The following TAS2R1 variants were observed in gnomAD, a reference collection of about 807,000 sequenced individuals.
TAS2R1 encodes taste 2 receptor member 1.
For missense variants in TAS2R1, 370 were observed against 353.4 expected (o/e 1.05, Z -0.38); for synonymous variants, 141 against 134.2 (o/e 1.05, Z -0.35).
chr5:9,870,629 T>A, the TAS2R1 span, among the ~76,000 whole-genome samples: 6,418 of 152,206 alleles, frequency 0.042, 349 homozygotes, highest in East Asian at 0.22. Context: ...GGCAAATAAA[T>A]AATGGCAAAC....
At chr5:9,808,367 C>T in the TAS2R1 span, among the ~76,000 whole-genome samples, 4 of 151,750 alleles carry the variant, frequency 2.6e-5, no homozygotes, top group Non-Finnish European at 5.9e-5. Context: ...GATTTCTGAG[C>T]AAAGTGTTGA....
chr5:9,685,614 T>C (rs935375221), intron 1 of TAS2R1, among the ~76,000 whole-genome samples: 1 of 152,100 alleles, frequency 6.6e-6, no homozygotes. Flanking sequence ...GAGGAGGTTG[T>C]TAAGGATTCA....
intron 1 of TAS2R1, among the ~76,000 whole-genome samples, chr5:9,692,685 A>G (rs1189649662): frequency 6.6e-6 from 1 of 152,138 alleles, no homozygotes; most frequent in Admixed American, 6.5e-5. Context: ...TAATGAGAAG[A>G]CCTTCTCCCA....
chr5:9,671,979 T>C (rs757916024), intron 1 of TAS2R1, among the ~76,000 whole-genome samples: 5 of 151,952 alleles, frequency 3.3e-5, no homozygotes, highest in Non-Finnish European at 5.9e-5. Flanking sequence ...AGCCCAGAAA[T>C]AATACCTCAC....
At chr5:9,843,811 A>T in the TAS2R1 span, among the ~76,000 whole-genome samples, 2 of 152,222 alleles carry the variant, frequency 1.3e-5, no homozygotes, top group Non-Finnish European at 2.9e-5. Context: ...TCTTCAACAT[A>T]GTTGCAAGCT....
the TAS2R1 span, among the ~76,000 whole-genome samples, chr5:9,844,532 C>T: frequency 1.4e-4 from 22 of 152,250 alleles, no homozygotes; most frequent in South Asian, 1.2e-3. Flanking sequence ...ACAGGATAAA[C>T]CTCATTATAT....
chr5:9,685,350 G>A (rs543774637), intron 1 of TAS2R1, among the ~76,000 whole-genome samples: 8 of 151,818 alleles, frequency 5.3e-5, no homozygotes, highest in Admixed American at 1.3e-4. Flanking sequence ...ATACCCCATC[G>A]AGACTAAAAC....
intron 2 of TAS2R1, among the ~76,000 whole-genome samples, chr5:9,640,131 G>A (rs760411978): frequency 6.6e-6 from 1 of 152,180 alleles, no homozygotes; most frequent in Admixed American, 6.5e-5. Flanking sequence ...AACACTCAAA[G>A]GCCATTTTAG....
intron 1 of TAS2R1, among the ~76,000 whole-genome samples, chr5:9,675,397 CATTAATT>C (rs1165194061): frequency 6.6e-6 from 1 of 150,412 alleles, no homozygotes; most frequent in African/African-American, 2.4e-5. Context: ...TTACTGAATC[CATTAATT>C]ATTTTTTTCT....
At chr5:9,755,931 A>C in the TAS2R1 span, among the ~76,000 whole-genome samples, 1 of 152,156 alleles carries the variant, frequency 6.6e-6, no homozygotes, top group South Asian at 2.1e-4. Context: ...CTTTACTGCA[A>C]GTTGCTTTAT....
At chr5:9,806,992 T>A in the TAS2R1 span, among the ~76,000 whole-genome samples, 1 of 151,924 alleles carries the variant, frequency 6.6e-6, no homozygotes, top group Non-Finnish European at 1.5e-5. Flanking sequence ...GTCTTCATAA[T>A]CTATACATCT....
the TAS2R1 span, among the ~76,000 whole-genome samples, chr5:9,723,520 C>T: frequency 6.6e-6 from 1 of 152,220 alleles, no homozygotes; most frequent in Non-Finnish European, 1.5e-5. Context: ...TGGACAATAT[C>T]TGACAAACAC....
the TAS2R1 span, among the ~76,000 whole-genome samples, chr5:9,852,258 A>C: frequency 6.6e-6 from 1 of 152,338 alleles, no homozygotes; most frequent in African/African-American, 2.4e-5. Flanking sequence ...AAAGCTTCAA[A>C]ATTATTGAGG....
the TAS2R1 span, among the ~76,000 whole-genome samples, chr5:9,855,344 G>C: frequency 6.6e-6 from 1 of 152,148 alleles, no homozygotes; most frequent in South Asian, 2.1e-4. Context: ...TTAGATGGAA[G>C]GTGCAAATTC....
intron 2 of TAS2R1, among the ~76,000 whole-genome samples, chr5:9,649,411 C>T (rs1740259849): frequency 6.6e-6 from 1 of 152,160 alleles, no homozygotes; most frequent in East Asian, 1.9e-4. Context: ...AATATTTGTG[C>T]AGAAGTTTGC....
At chr5:9,809,158 C>T in the TAS2R1 span, among the ~76,000 whole-genome samples, 4 of 152,116 alleles carry the variant, frequency 2.6e-5, no homozygotes, top group Non-Finnish European at 5.9e-5. Context: ...TGTCTCATGA[C>T]GAAGCATACC....
At chr5:9,678,932 TA>T (rs1454382027) in intron 1 of TAS2R1, among the ~76,000 whole-genome samples, 9 of 152,144 alleles carry the variant, frequency 5.9e-5, no homozygotes, top group African/African-American at 2.2e-4. Flanking sequence ...CCCTGGAACT[TA>T]AAATAAAAGT....
chr5:9,773,273 GCAAA>G, the TAS2R1 span, among the ~76,000 whole-genome samples: 8 of 152,028 alleles, frequency 5.3e-5, no homozygotes, highest in East Asian at 1.5e-3. Flanking sequence ...AAACAAACAA[GCAAA>G]CAATCAAAAA....
At chr5:9,771,410 T>C in the TAS2R1 span, among the ~76,000 whole-genome samples, 23 of 152,318 alleles carry the variant, frequency 1.5e-4, no homozygotes, top group South Asian at 4.8e-3. Context: ...GTTGTTGAAT[T>C]TGATTTGCTA....
Sources: allele counts gnomAD v4.1 joint callset (sites outside exome capture counted in the v4.1 genomes callset), GRCh38; gene constraint gnomAD v4.1.1; transcripts MANE v1.5; gene names NCBI Gene and HGNC (gene_info 2026-07-23, HGNC 2026-07-21).